NAA16: variants seen among roughly 807,000 people sequenced by gnomAD.
NAA16 encodes the protein N-alpha-acetyltransferase 16, NatA auxiliary subunit.
A neutral mutation model predicts 110.3 loss-of-function variants in NAA16; 97 were observed. The observed-to-expected ratio is 0.88, with a 90% CI of 0.75 to 1.04. NAA16 has a LOEUF of 1.04. Ranked by LOEUF, NAA16 falls within the 50% of genes least tolerant of loss-of-function variation. The pLI is 0.00. For missense variants in NAA16, 1,017 were observed against 1,005.1 expected (o/e 1.01, Z -0.16); for synonymous variants, 372 against 330.6 (o/e 1.13, Z -1.36).
At position 41,316,940 on chromosome 13, in the gene NAA16, C is replaced by G. The variant is rs1555278866; in HGVS notation, c.139+10C>G. ...TTTGCTGAACATGGAGGTATTGTCTCATGTGAGAGATTGCTTTAGGGAAAT... is the reference window on the plus strand; with the variant it reads ...TTTGCTGAACATGGAGGTATTGTCTGATGTGAGAGATTGCTTTAGGGAAAT... On this transcript the variant is annotated intron_variant, in intron 2 of 19. Coordinates refer to ENST00000379406, the MANE Select transcript of NAA16 (RefSeq NM_024561.5). 1 of 1,585,622 alleles carries G rather than the reference C, an allele frequency of 6.3e-7. No individual in the cohort carries two copies. Among genetic ancestry groups the G allele is most frequent in the South Asian group, 1.1e-5 (1 of 90,418 alleles).
intron 14 of NAA16, 106 bp from the exon 15 acceptor site, chr13:41,368,984 C>A: frequency 1.1e-6 from 1 of 916,590 alleles, no homozygotes; most frequent in Non-Finnish European, 1.6e-6. Context: ...ATGAACCAAT[C>A]CCCCACTGAT....
At chr13:41,311,686 C>T in intron 1 of NAA16, 104 bp downstream of exon 1, 1 of 1,026,472 alleles carries the variant, frequency 9.7e-7, no homozygotes. Context: ...TTGGCCTCCG[C>T]TGCCCACCGC....
intron 4 of NAA16, among the ~76,000 whole-genome samples, chr13:41,322,172 C>T (rs2041963369): frequency 6.6e-6 from 1 of 152,042 alleles, no homozygotes; most frequent in African/African-American, 2.4e-5. Context: ...TGCTTGAGCC[C>T]AGGAGTTTAG....
chr13:41,317,208 T>G (rs142344443), intron 2 of NAA16, among the ~76,000 whole-genome samples: 10 of 152,292 alleles, frequency 6.6e-5, no homozygotes, highest in African/African-American at 2.4e-4. Flanking sequence ...CTGATTTCCT[T>G]TATTACTTTG....
chr13:41,362,591 C>A, intron 13 of NAA16: 1 of 644,584 alleles, frequency 1.6e-6, no homozygotes, highest in Non-Finnish European at 2.4e-6. Context: ...ATTCAGTATT[C>A]TGTATAACAA....
chr13:41,373,566 T>C, intron 17 of NAA16, 71 bp from the exon 18 acceptor site: 1 of 1,474,202 alleles, frequency 6.8e-7, no homozygotes, highest in South Asian at 1.4e-5. Context: ...CCATAAAGGG[T>C]TTTCAGTAGG....
At chr13:41,353,594 G>A (rs1366440819) in intron 9 of NAA16, among the ~76,000 whole-genome samples, 1 of 38,752 alleles carries the variant, frequency 2.6e-5, no homozygotes, top group African/African-American at 1.3e-4. Context: ...GTGAGACTTT[G>A]TCTCTTAAAA....
At chr13:41,352,089 C>G (rs2042850718) in intron 9 of NAA16, among the ~76,000 whole-genome samples, 1 of 152,214 alleles carries the variant, frequency 6.6e-6, no homozygotes, top group Admixed American at 6.5e-5. Flanking sequence ...TGCGTGTAAT[C>G]CTAGCACTTT....
At chr13:41,347,156 C>T (rs770751995) in intron 9 of NAA16, among the ~76,000 whole-genome samples, 8 of 145,866 alleles carry the variant, frequency 5.5e-5, no homozygotes, top group Non-Finnish European at 1.0e-4. Flanking sequence ...GCGGAGTTTG[C>T]AGTGAGCCGA....
rs544914682 is a variant in NAA16 at position 41,353,806 on chromosome 13, A to G, written c.1015-1338A>G. ...ACACACACACACACACACACACCCC[A>G]AAACAGATTGTACAGAATATTTCTA... On this transcript the variant is annotated intron_variant, in intron 9 of 19. Transcript: ENST00000379406. 1.4e-4 allele frequency among the ~76,000 whole-genome samples: 21 copies of G among 150,808 alleles called. No individual in the cohort carries two copies. In the East Asian group the frequency reaches 3.5e-3, roughly 25 times the overall value.
chr13:41,374,973 G>A lies in NAA16; in HGVS notation c.2397+134G>A, dbSNP rs113332598. 3.9e-4 allele frequency: 240 copies of A among 610,378 alleles called. 1 individual carries two copies. The highest frequency in any genetic ancestry group is 3.6e-3 in the African/African-American group (193 of 54,144). 37.8% of individuals were successfully genotyped at this position (610,378 alleles called of 1,614,324 possible). On this transcript the variant is annotated intron_variant, in intron 19 of 19. Transcript: ENST00000379406. ...CCCAGCTCTATCAATTATGAGATGC[G>A]TAACTTTAGGCAGGTTATGTCTCTT...
chr13:41,374,047 A>T (rs376501685), intron 18 of NAA16, among the ~76,000 whole-genome samples: 2 of 152,202 alleles, frequency 1.3e-5, no homozygotes, highest in African/African-American at 4.8e-5. Flanking sequence ...TGAACATACA[A>T]TATAATCTCA....
At chr13:41,325,297 T>C (rs1416812645) in intron 5 of NAA16, among the ~76,000 whole-genome samples, 1 of 151,948 alleles carries the variant, frequency 6.6e-6, no homozygotes, top group Non-Finnish European at 1.5e-5. Flanking sequence ...ATTGTGTCAC[T>C]CACTTTATTG....
intron 10 of NAA16, among the ~76,000 whole-genome samples, chr13:41,355,656 C>G (rs2042963346): frequency 6.6e-6 from 1 of 152,120 alleles, no homozygotes; most frequent in Non-Finnish European, 1.5e-5. Context: ...TCTCGAATAC[C>G]TGACCTCGTG....
chr13:41,372,210 A>C lies in NAA16; in HGVS notation c.1955A>C (p.Asn652Thr). 6.4e-7 allele frequency: 1 copy of C among 1,550,968 alleles called. No individual in the cohort carries two copies. The highest frequency in any genetic ancestry group is 1.3e-5 in the South Asian group (1 of 79,682). ...LIPEKLERVE[N>T]PLEEAVKFLI... Reference sequence around the variant, plus strand: ...CTTTCTGTTTCAAAATAGGTAGAAAATCCATTAGAGGAAGCCGTTAAGTTC... The same window carrying C: ...CTTTCTGTTTCAAAATAGGTAGAAACTCCATTAGAGGAAGCCGTTAAGTTC... The change falls in exon 16 of 20, where the codon AAT becomes ACT. Residue 652 changes from asparagine to threonine, a missense_variant. Physicochemically the swap from Asn to Thr is moderately conservative, Grantham distance 65 (BLOSUM62 0). Transcript: ENST00000379406.
At chr13:41,369,634 A>C (rs1223814346) in intron 15 of NAA16, among the ~76,000 whole-genome samples, 1 of 152,174 alleles carries the variant, frequency 6.6e-6, no homozygotes, top group African/African-American at 2.4e-5. Flanking sequence ...TGGATTGTCC[A>C]TGTGGTCCTA....
chr13:41,334,288 T>C (rs752078491), intron 8 of NAA16, among the ~76,000 whole-genome samples: 15 of 152,138 alleles, frequency 9.9e-5, no homozygotes, highest in Non-Finnish European at 1.9e-4. Context: ...TTCTAACACC[T>C]GAAAATATTA....
chr13:41,372,844 A>G lies in NAA16; in HGVS notation c.2155+14A>G, dbSNP rs750132725. The G allele has an allele frequency of 6.6e-7, 1 of 1,523,006 alleles. No homozygotes were observed. Among genetic ancestry groups the G allele is most frequent in the Non-Finnish European group, 8.9e-7 (1 of 1,127,738 alleles). The allele number at this position is 1,523,006 out of a possible 1,614,324, so 94.3% of individuals were successfully genotyped here. ...TTTCTAAATCTGGTAAGTATAAAAA[A>G]GGACCATATTTACATTTGTGAATTA... On this transcript the variant is annotated intron_variant, in intron 17 of 19. Coordinates refer to ENST00000379406, the MANE Select transcript of NAA16 (RefSeq NM_024561.5).
intron 12 of NAA16, among the ~76,000 whole-genome samples, chr13:41,360,475 C>T (rs1035204633): frequency 4.6e-5 from 7 of 152,030 alleles, no homozygotes; most frequent in Non-Finnish European, 7.4e-5. Flanking sequence ...CACTGGGATG[C>T]GTCTTTAAAG....
Sources: allele counts gnomAD v4.1 joint callset (sites outside exome capture counted in the v4.1 genomes callset), GRCh38; gene constraint gnomAD v4.1.1; transcripts MANE v1.5; gene names NCBI Gene and HGNC (gene_info 2026-07-23, HGNC 2026-07-21).